Variants in ZNF106 observed in about 807,000 individuals in gnomAD.
ZNF106 encodes the protein zinc finger protein 106, also known as SH3-domain binding protein 3.
ZNF106 carries 67 observed loss-of-function variants against 195.1 expected under a neutral mutation model. The observed-to-expected ratio is 0.34, with a 90% CI of 0.28 to 0.42. The LOEUF (loss-of-function observed/expected upper bound fraction) is 0.42. Among genes scored for constraint, ZNF106 ranks in the 10% least tolerant of loss-of-function variants. ZNF106 has a pLI of 1.00. For synonymous variants in ZNF106, 784 were observed against 818.6 expected, an observed-to-expected ratio of 0.96 and a Z score of 0.72; for missense variants, 2,118 against 2,304.5, an observed-to-expected ratio of 0.92 and a Z score of 1.66.
intron 2 of ZNF106, among the ~76,000 whole-genome samples, chr15:42,466,599 A>T (rs1263626060): frequency 6.6e-6 from 1 of 152,264 alleles, no homozygotes; most frequent in Non-Finnish European, 1.5e-5. Flanking sequence ...GAATGAATAT[A>T]GATGGATACA....
intron 13 of ZNF106, among the ~76,000 whole-genome samples, chr15:42,437,013 C>T (rs1476055388): frequency 1.3e-5 from 2 of 152,188 alleles, no homozygotes; most frequent in Non-Finnish European, 2.9e-5. Flanking sequence ...AACTAGCTTT[C>T]AGGAAGAGGT....
rs999868367 is a variant in ZNF106 at position 42,415,773 on chromosome 15, C to G, written c.*1531G>C. On this transcript the variant is annotated 3_prime_UTR_variant, in exon 22 of 22. Transcript: ENST00000564754. The stretch of plus-strand genomic sequence containing the variant: ...TTTTTTTTTGAGACGGAGTCTCACT[C>G]TGTCACCAGGCTGGAGTGCAGTGGC... 4.1e-5 allele frequency: 7 copies of G among 171,244 alleles called. No individual in the cohort carries two copies. The highest frequency in any genetic ancestry group is 2.4e-4 in the South Asian group (2 of 8,414). The allele number at this position is 171,244 out of a possible 1,614,324, so 10.6% of individuals were successfully genotyped here.
chr15:42,422,637 G>T lies in ZNF106; in HGVS notation c.5254-17C>A. ...CTCACCAGTCTATGTCAGAAGAGAA[G>T]TAAGAGTCACCAGACTGACTTTCGA... On this transcript the variant is annotated splice_polypyrimidine_tract_variant and intron_variant, in intron 17 of 21. Transcript: ENST00000564754. 6.3e-7 allele frequency: 1 copy of T among 1,591,988 alleles called. No homozygotes were observed. The highest frequency in any genetic ancestry group is 8.5e-7 in the Non-Finnish European group (1 of 1,171,476).
At chr15:42,418,600 A>G (rs998106444) in intron 20 of ZNF106, among the ~76,000 whole-genome samples, 12 of 144,464 alleles carry the variant, frequency 8.3e-5, no homozygotes, top group African/African-American at 3.1e-4. Context: ...GCTGGTCTCA[A>G]ACTCCCAACC....
intron 7 of ZNF106, 47 bp downstream of exon 7, chr15:42,446,542 A>C: frequency 3.9e-6 from 6 of 1,529,330 alleles, no homozygotes; most frequent in Middle Eastern, 1.7e-4. Flanking sequence ...CCCCAAAAAA[A>C]ACCAAAAAAC....
intron 15 of ZNF106, among the ~76,000 whole-genome samples, chr15:42,425,954 TC>T (rs200448333): frequency 1.3e-5 from 2 of 152,240 alleles, no homozygotes; most frequent in East Asian, 3.9e-4. Context: ...CTTTCCTTCA[TC>T]CCCCAGCCAA....
At chr15:42,440,636 C>T (rs996544274) in intron 10 of ZNF106, among the ~76,000 whole-genome samples, 1 of 149,056 alleles carries the variant, frequency 6.7e-6, no homozygotes, top group African/African-American at 2.4e-5. Flanking sequence ...TTCATGTAAT[C>T]CATAAATATA....
chr15:42,450,724 G>A lies in ZNF106; in HGVS notation c.1548C>T (p.Pro516=). The change falls in exon 5 of 22, where the codon CCC becomes CCT. Residue 516 remains proline (P), a synonymous_variant. Coordinates refer to ENST00000564754, the MANE Select transcript of ZNF106 (RefSeq NM_001366845.3). ...AAGGACCATGGTTATCTTCCACAGT[G>A]GGCTTGTTCGAGGGATTTGAGTGTT... is the stretch of plus-strand genomic sequence containing the variant. ...PGEHSNPSNK[P]TVEDNHGPYI... 1.9e-6 allele frequency: 3 copies of A among 1,614,130 alleles called. No homozygotes were observed. Among genetic ancestry groups the A allele is most frequent in the Non-Finnish European group, 2.5e-6 (3 of 1,180,024 alleles).
chr15:42,439,391 C>T lies in ZNF106; in HGVS notation c.4186G>A (p.Glu1396Lys). 1 of 1,614,142 alleles carries T rather than the reference C, an allele frequency of 6.2e-7. No homozygotes were observed. The highest frequency in any genetic ancestry group is 1.3e-5 in the African/African-American group (1 of 75,054). ...AAHVPENSDT[E>K]QDVLTVKPVR... ...GGTTTAACAGTCAAAACATCCTGTT[C>T]AGTGTCACTATTCTCAGGAACATGG... The change falls in exon 11 of 22, where the codon GAA becomes AAA. Residue 1396 changes from glutamate (E) to lysine (K), a missense_variant. By Grantham distance (56) the Glu-to-Lys change is moderately conservative (BLOSUM62 1). Transcript: ENST00000564754.
chr15:42,444,152 A>C, intron 9 of ZNF106, 50 bp downstream of exon 9: 1 of 1,345,508 alleles, frequency 7.4e-7, no homozygotes, highest in Non-Finnish European at 1.0e-6. Context: ...GAGAAAACAA[A>C]AAAGTAACAC....
intron 4 of ZNF106, among the ~76,000 whole-genome samples, chr15:42,452,627 G>T (rs891859524): frequency 6.9e-6 from 1 of 144,524 alleles, no homozygotes; most frequent in Non-Finnish European, 1.5e-5. Context: ...TATTATTTTT[G>T]TATTATGCAG....
intron 15 of ZNF106, 77 bp from the exon 16 acceptor site, chr15:42,425,102 CAA>C: frequency 7.1e-7 from 1 of 1,418,070 alleles, no homozygotes. Context: ...TACCTTGGTA[CAA>C]ACTCATTTCT....
intron 3 of ZNF106, among the ~76,000 whole-genome samples, chr15:42,465,651 C>A (rs569528557): frequency 6.6e-6 from 1 of 152,320 alleles, no homozygotes; most frequent in African/African-American, 2.4e-5. Context: ...ATTTAGCAGA[C>A]TTTGGATGTC....
intron 16 of ZNF106, 34 bp downstream of exon 16, chr15:42,424,800 C>G (rs773808437): frequency 1.9e-6 from 3 of 1,593,598 alleles, no homozygotes; most frequent in Non-Finnish European, 2.6e-6. Context: ...TCTATTTGTG[C>G]CAGACAACTC....
At chr15:42,444,575 A>T (rs1038687974) in intron 8 of ZNF106, among the ~76,000 whole-genome samples, 1 of 151,950 alleles carries the variant, frequency 6.6e-6, no homozygotes, top group African/African-American at 2.4e-5. Context: ...TAGGGAGAAC[A>T]CCCTTGTGGG....
intron 10 of ZNF106, 128 bp from the exon 11 acceptor site, chr15:42,439,941 C>G: frequency 2.0e-6 from 2 of 984,152 alleles, no homozygotes; most frequent in Non-Finnish European, 2.8e-6. Context: ...TGGTATCTCA[C>G]CCCTCAGTTT....
At chr15:42,440,983 T>A (rs1595456053) in intron 10 of ZNF106, among the ~76,000 whole-genome samples, 3 of 19,818 alleles carry the variant, frequency 1.5e-4, no homozygotes, top group African/African-American at 3.9e-4. Flanking sequence ...AAACTCTGTC[T>A]AAAAAAAAAA....
At chr15:42,466,198 T>C (rs1053261883) in intron 2 of ZNF106, 84 bp from the exon 3 acceptor site, 5 of 1,108,176 alleles carry the variant, frequency 4.5e-6, no homozygotes, top group Non-Finnish European at 1.2e-6. Flanking sequence ...CAATCAAAAA[T>C]TGGGGCTCAA....
chr15:42,442,438 T>C (rs1483362573), intron 9 of ZNF106, 24 bp from the exon 10 acceptor site: 8 of 1,560,692 alleles, frequency 5.1e-6, no homozygotes, highest in Middle Eastern at 1.7e-4. Flanking sequence ...CATACATACA[T>C]AGAAATGCAA....
Sources: allele counts gnomAD v4.1 joint callset (sites outside exome capture counted in the v4.1 genomes callset), GRCh38; gene constraint gnomAD v4.1.1; transcripts MANE v1.5; gene names NCBI Gene and HGNC (gene_info 2026-07-23, HGNC 2026-07-21).